Variants in OTUD5 observed in about 807,000 individuals in gnomAD.
OTUD5 encodes the protein OTU deubiquitinase 5.
A neutral mutation model predicts 36.3 loss-of-function variants in OTUD5; 2 were observed. The ratio of observed to expected loss-of-function variants is 0.06; its 90% CI spans 0.02 to 0.17. The LOEUF (loss-of-function observed/expected upper bound fraction) is 0.17. OTUD5 is among the 10% of genes least tolerant of loss of function. OTUD5 has a pLI of 1.00. For synonymous variants in OTUD5, 234 were observed against 214.9 expected (o/e 1.09, Z -0.78); for missense variants, 233 against 512.3 (o/e 0.45, Z 5.26).
chrX:48,932,940 T>G (rs1557049161), intron 5 of OTUD5, among the ~76,000 whole-genome samples: 1 of 110,405 alleles, frequency 9.1e-6, no homozygotes, highest in Non-Finnish European at 1.9e-5. Context: ...GAGCCTAGAT[T>G]GCCCCACTGC....
chrX:48,950,134 CAAA>C (rs782788886), intron 1 of OTUD5, among the ~76,000 whole-genome samples: 2 of 47,123 alleles, frequency 4.2e-5, no homozygotes, highest in African/African-American at 7.1e-5. Context: ...GATTCCACCT[CAAA>C]AAAAAAAAAA....
intron 1 of OTUD5, among the ~76,000 whole-genome samples, chrX:48,951,648 AG>A (rs2064148973): frequency 9.0e-6 from 1 of 110,853 alleles, no homozygotes; most frequent in Non-Finnish European, 1.9e-5. Context: ...CCATCCAACG[AG>A]GAACATAGAC....
At chrX:48,944,022 T>G (rs1230283452) in intron 2 of OTUD5, among the ~76,000 whole-genome samples, 168 bp downstream of exon 2, 3 of 111,788 alleles carry the variant, frequency 2.7e-5, no homozygotes, top group African/African-American at 9.8e-5. Context: ...ACCACTACAA[T>G]GTCTCAAGAC....
In OTUD5 at chrX:48,922,622, T is replaced by C. The variant is rs2063598955; in HGVS notation, c.*552A>G. On this transcript the variant is annotated 3_prime_UTR_variant, in exon 9 of 9. Transcript: ENST00000376488. The stretch of plus-strand genomic sequence containing the variant: ...GCCAGTGCTGTCGTCTATATCATTT[T>C]TGATTAGTTGATTTTATAAGATAAA... 2 of 751,190 alleles carry C rather than the reference T, an allele frequency of 2.7e-6. No individual in the cohort carries two copies. Among genetic ancestry groups the C allele is most frequent in the South Asian group, 6.8e-5 (1 of 14,811 alleles). 61.9% of individuals were successfully genotyped at this position (751,190 alleles called of 1,213,427 possible).
intron 2 of OTUD5, among the ~76,000 whole-genome samples, chrX:48,937,213 G>A (rs1280841949): frequency 2.7e-5 from 3 of 111,811 alleles, no homozygotes; most frequent in African/African-American, 3.3e-5. Flanking sequence ...CATGTCCTGC[G>A]CACAGGCTGG....
In OTUD5 at chrX:48,923,927, A is replaced by G. The variant is rs1557047050; in HGVS notation, c.1389T>C (p.His463=). The part of the protein sequence containing the change: ...SASSPEHPEL[H]AELGMKPPSP... ...AAGGGGGCTTCATGCCCAATTCAGC[A>G]TGCAGCTCAGGGTGCTCAGGTGACG... is the stretch of plus-strand genomic sequence containing the variant. Residue 463 remains histidine, a synonymous_variant, in exon 7 of 9, where the codon CAT becomes CAC. Transcript: ENST00000376488. 1.7e-6 allele frequency: 2 copies of G among 1,212,115 alleles called. No individual in the cohort carries two copies. The highest frequency in any genetic ancestry group is 2.2e-6 in the Non-Finnish European group (2 of 895,432).
chrX:48,957,913 T>C, upstream of OTUD5: 4 of 598,669 alleles, frequency 6.7e-6, no homozygotes, highest in Non-Finnish European at 8.1e-6. Context: ...AACAAGCACC[T>C]CTTCGCTCCG....
chrX:48,927,227 C>T (rs2063680806), intron 5 of OTUD5, among the ~76,000 whole-genome samples: 1 of 111,576 alleles, frequency 9.0e-6, no homozygotes, highest in African/African-American at 3.3e-5. Context: ...TCTACTCTCA[C>T]TCAACAACAA....
chrX:48,939,677 G>A (rs1441220731), intron 2 of OTUD5, among the ~76,000 whole-genome samples: 1 of 112,113 alleles, frequency 8.9e-6, no homozygotes, highest in East Asian at 2.8e-4. Flanking sequence ...GTAGGTGGAG[G>A]GCAGGGGAAA....
intron 5 of OTUD5, among the ~76,000 whole-genome samples, chrX:48,933,908 G>A (rs190323309): frequency 1.3e-4 from 14 of 105,979 alleles, no homozygotes; most frequent in African/African-American, 4.8e-4. Flanking sequence ...GCAAATGACT[G>A]TAAGAGAGAG....
intron 1 of OTUD5, among the ~76,000 whole-genome samples, chrX:48,956,438 G>A (rs2064241526): frequency 9.0e-6 from 1 of 111,478 alleles, no homozygotes; most frequent in Admixed American, 9.5e-5. Flanking sequence ...GTGTTACCCA[G>A]CGAAGCGGGA....
At position 48,934,996 on chromosome X, in the gene OTUD5, C is replaced by T. The variant is rs369699985; in HGVS notation, c.711G>A (p.Gln237=). 2 of 1,209,642 alleles carry T rather than the reference C, an allele frequency of 1.7e-6. No homozygotes were observed. The highest frequency in any genetic ancestry group is 2.2e-6 in the Non-Finnish European group (2 of 894,816). Residue 237 remains glutamine (Q), a synonymous_variant, in exon 3 of 9, where the codon CAG becomes CAA. Coordinates refer to ENST00000376488, the MANE Select transcript of OTUD5 (RefSeq NM_001136157.2). ...GCTTTCGCACAACCTCATGCATGTC[C>T]TGGTCTCCATACACCTGGTCAGCTG... ...RAVADQVYGD[Q]DMHEVVRKHC...
chrX:48,929,791 T>C (rs1557048450), intron 5 of OTUD5, among the ~76,000 whole-genome samples: 2 of 106,378 alleles, frequency 1.9e-5, no homozygotes, highest in African/African-American at 6.9e-5. Flanking sequence ...GACAAAATAA[T>C]ACAAATGTAT....
Position 48,944,917 on chromosome X carries a change from G to T in OTUD5, c.595-634C>A, listed in dbSNP as rs923487291. On this transcript the variant is annotated intron_variant, in intron 1 of 8. Transcript: ENST00000376488. ...CATGCCTGTAATCCCAGCTACATGG[G>T]AGGCTTAGGCAGGAGAATCGTTCGA... is the stretch of plus-strand genomic sequence containing the variant. Among the ~76,000 whole-genome samples, 3 of 110,738 alleles carry T rather than the reference G, an allele frequency of 2.7e-5. No homozygotes were observed. The East Asian group carries it at 8.5e-4, about 31-fold the overall frequency.
rs781910821 is a variant in OTUD5 at position 48,933,802 on chromosome X, G to A, written c.1059+662C>T. 6.3e-5 allele frequency among the ~76,000 whole-genome samples: 7 copies of A among 111,955 alleles called. No individual in the cohort carries two copies. In the East Asian group the frequency reaches 1.4e-3, roughly 22 times the overall value. On this transcript the variant is annotated intron_variant, in intron 5 of 8. Transcript: ENST00000376488. ...AACAAAAAAGAACCCTATGTTGGAG[G>A]GTGTGTTGGTGTTAGGCTATGTGTT...
At chrX:48,932,026 G>A (rs1233272998) in intron 5 of OTUD5, among the ~76,000 whole-genome samples, 1 of 106,619 alleles carries the variant, frequency 9.4e-6, no homozygotes, top group Non-Finnish European at 1.9e-5. Flanking sequence ...GCGGGTGCCT[G>A]TAATCCCAGC....
chrX:48,955,061 C>G (rs1368346111), intron 1 of OTUD5, among the ~76,000 whole-genome samples: 1 of 111,704 alleles, frequency 9.0e-6, no homozygotes, highest in African/African-American at 3.3e-5. Flanking sequence ...CAAGTGGGAG[C>G]CAGGCCCCCA....
chrX:48,957,817 CGA>C, upstream of OTUD5: 2 of 767,123 alleles, frequency 2.6e-6, no homozygotes, highest in Non-Finnish European at 3.1e-6. Flanking sequence ...GGCAGTGCGG[CGA>C]GTTTGTCTTA....
chrX:48,941,037 T>C (rs948709950), intron 2 of OTUD5, among the ~76,000 whole-genome samples: 1 of 111,283 alleles, frequency 9.0e-6, no homozygotes, highest in East Asian at 2.8e-4. Flanking sequence ...CACGTGCTCC[T>C]ACTTGGAGGA....
Sources: allele counts gnomAD v4.1 joint callset (sites outside exome capture counted in the v4.1 genomes callset), GRCh38; gene constraint gnomAD v4.1.1; transcripts MANE v1.5; gene names NCBI Gene and HGNC (gene_info 2026-07-23, HGNC 2026-07-21).